PBX3: variants seen among roughly 807,000 people sequenced by gnomAD.
PBX3 encodes PBX homeobox 3.
A neutral mutation model predicts 48.5 loss-of-function variants in PBX3; 14 were observed. The observed-to-expected ratio is 0.29, with a 90% CI of 0.19 to 0.45. The LOEUF is 0.45. Ranked by LOEUF, PBX3 falls within the 20% of genes least tolerant of loss-of-function variation. PBX3 has a pLI of 1.00. For missense variants in PBX3, 386 were observed against 546.7 expected, an observed-to-expected ratio of 0.71 and a Z score of 2.93; for synonymous variants, 210 against 200.3, an observed-to-expected ratio of 1.05 and a Z score of -0.41.
intron 2 of PBX3, among the ~76,000 whole-genome samples, chr9:125,771,806 T>C (rs1032811455): frequency 9.9e-5 from 15 of 152,072 alleles, no homozygotes; most frequent in African/African-American, 3.4e-4. Context: ...TGTGTTAGCA[T>C]TGTTTAGCCT....
Position 125,764,496 on chromosome 9 carries a change from T to C in PBX3, c.274+15873T>C, listed in dbSNP as rs78758491. On this transcript the variant is annotated intron_variant, in intron 2 of 8. Coordinates refer to ENST00000373489, the MANE Select transcript of PBX3 (RefSeq NM_006195.6). ...ATGGTTCTTGGCATTGTCAGCCTAG[T>C]AGCTGGTTCATATTTTGCTAACGGA... Among the ~76,000 whole-genome samples the C allele has an allele frequency of 7.9e-5, 12 of 152,344 alleles. No homozygotes were observed. The East Asian group carries it at 2.3e-3, about 29-fold the overall frequency.
intron 8 of PBX3, among the ~76,000 whole-genome samples, chr9:125,964,408 G>A (rs1203782768): frequency 6.6e-6 from 1 of 151,956 alleles, no homozygotes; most frequent in Non-Finnish European, 1.5e-5. Context: ...GGGGGAAACA[G>A]CTTACCTTTT....
chr9:125,956,561 G>C (rs1290817139), intron 5 of PBX3, among the ~76,000 whole-genome samples: 1 of 152,186 alleles, frequency 6.6e-6, no homozygotes, highest in African/African-American at 2.4e-5. Context: ...AAAAGTTCCA[G>C]AAAATCAGCG....
At chr9:125,832,378 G>A (rs1213334718) in intron 2 of PBX3, among the ~76,000 whole-genome samples, 2 of 152,044 alleles carry the variant, frequency 1.3e-5, no homozygotes, top group Middle Eastern at 3.2e-3. Flanking sequence ...TGAACTTTTA[G>A]TAGAGATGGG....
intron 4 of PBX3, among the ~76,000 whole-genome samples, chr9:125,932,066 C>T (rs1482365568): frequency 6.6e-6 from 1 of 152,134 alleles, no homozygotes; most frequent in Non-Finnish European, 1.5e-5. Flanking sequence ...TATGTTTCTA[C>T]TGCTTAGAAT....
chr9:125,767,248 G>A (rs1003442133), intron 2 of PBX3, among the ~76,000 whole-genome samples: 1 of 152,202 alleles, frequency 6.6e-6, no homozygotes, highest in Non-Finnish European at 1.5e-5. Context: ...CGAATGCTAA[G>A]TGGTGAGTTA....
At chr9:125,770,539 C>T (rs984051990) in intron 2 of PBX3, among the ~76,000 whole-genome samples, 5 of 152,006 alleles carry the variant, frequency 3.3e-5, no homozygotes, top group Non-Finnish European at 5.9e-5. Context: ...AAAAATGACC[C>T]CCAAACTCAG....
At chr9:125,900,897 G>A (rs753235451) in intron 2 of PBX3, among the ~76,000 whole-genome samples, 9 of 149,944 alleles carry the variant, frequency 6.0e-5, no homozygotes, top group Non-Finnish European at 8.9e-5. Flanking sequence ...CAAAGTATAG[G>A]GAGATACTTT....
At chr9:125,927,163 A>G (rs1305186742) in intron 3 of PBX3, among the ~76,000 whole-genome samples, 2 of 152,208 alleles carry the variant, frequency 1.3e-5, no homozygotes, top group East Asian at 3.8e-4. Flanking sequence ...ATTTATGGCT[A>G]TTAACCAACA....
At chr9:125,862,158 T>C (rs1325447692) in intron 2 of PBX3, among the ~76,000 whole-genome samples, 1 of 152,134 alleles carries the variant, frequency 6.6e-6, no homozygotes, top group African/African-American at 2.4e-5. Context: ...GCATTGCCTG[T>C]GTATACAAGA....
At chr9:125,825,286 G>A (rs1286520848) in intron 2 of PBX3, among the ~76,000 whole-genome samples, 23 of 150,666 alleles carry the variant, frequency 1.5e-4, no homozygotes, top group Non-Finnish European at 2.2e-4. Context: ...TCTGTCCCCC[G>A]CAAAAAAAAA....
chr9:125,760,789 A>G (rs1339496), intron 2 of PBX3, among the ~76,000 whole-genome samples: 8,991 of 152,266 alleles, frequency 0.059, 610 homozygotes, highest in East Asian at 0.17. Flanking sequence ...GAAGTTAAGC[A>G]TGTGTGAAAT....
intron 2 of PBX3, among the ~76,000 whole-genome samples, chr9:125,833,146 ATTTGTG>A (rs1839014178): frequency 6.6e-6 from 1 of 152,090 alleles, no homozygotes; most frequent in African/African-American, 2.4e-5. Flanking sequence ...GGGAGAAGAA[ATTTGTG>A]TTTACTGAGT....
At chr9:125,770,471 G>C (rs1412865576) in intron 2 of PBX3, among the ~76,000 whole-genome samples, 1 of 152,034 alleles carries the variant, frequency 6.6e-6, no homozygotes, top group Non-Finnish European at 1.5e-5. Flanking sequence ...GTATTACCTT[G>C]AGATCTTTTG....
At chr9:125,864,213 A>G (rs920381088) in intron 2 of PBX3, among the ~76,000 whole-genome samples, 2 of 152,210 alleles carry the variant, frequency 1.3e-5, no homozygotes, top group African/African-American at 4.8e-5. Context: ...GGAACCATTA[A>G]AAGAAAATCT....
chr9:125,896,080 ACTAAATATATGGATTATAGAG>A (rs1840761679), intron 2 of PBX3, among the ~76,000 whole-genome samples: 1 of 152,022 alleles, frequency 6.6e-6, no homozygotes, highest in Non-Finnish European at 1.5e-5. Context: ...TTCTGTTACC[ACTAAATATATGGATTATAGAG>A]ATGCTGTAAA....
chr9:125,865,684 T>G (rs1839962324), intron 2 of PBX3, among the ~76,000 whole-genome samples: 1 of 152,126 alleles, frequency 6.6e-6, no homozygotes, highest in South Asian at 2.1e-4. Context: ...ACCCCAAAGC[T>G]CCTTATAAAT....
intron 2 of PBX3, among the ~76,000 whole-genome samples, chr9:125,899,897 G>A (rs1405669916): frequency 5.2e-5 from 7 of 135,124 alleles, no homozygotes; most frequent in African/African-American, 1.9e-4. Context: ...TATATGTAAC[G>A]AATAAAGAAA....
intron 2 of PBX3, among the ~76,000 whole-genome samples, chr9:125,882,991 A>G (rs759307560): frequency 2.6e-5 from 4 of 152,226 alleles, no homozygotes; most frequent in African/African-American, 7.2e-5. Flanking sequence ...AGACACACAA[A>G]CATGTAACAA....
Sources: allele counts gnomAD v4.1 joint callset (sites outside exome capture counted in the v4.1 genomes callset), GRCh38; gene constraint gnomAD v4.1.1; transcripts MANE v1.5; gene names NCBI Gene and HGNC (gene_info 2026-07-23, HGNC 2026-07-21).